The following CPQ variants were observed in gnomAD, a reference collection of about 807,000 sequenced individuals.
CPQ encodes carboxypeptidase Q, also known as Ser-Met dipeptidase.
A neutral mutation model predicts 45.7 loss-of-function variants in CPQ; 37 were observed. That is an observed-to-expected ratio of 0.81 (90% confidence interval 0.62 to 1.07). The LOEUF (loss-of-function observed/expected upper bound fraction) is 1.07. CPQ is among the 50% of genes least tolerant of loss of function. The pLI is 0.00. For missense variants in CPQ, 537 were observed against 572.9 expected, an observed-to-expected ratio of 0.94 and a Z score of 0.64; for synonymous variants, 186 against 205.8, an observed-to-expected ratio of 0.90 and a Z score of 0.82.
intron 1 of CPQ, among the ~76,000 whole-genome samples, chr8:96,780,353 G>A (rs537381602): frequency 2.0e-5 from 3 of 152,104 alleles, no homozygotes; most frequent in Non-Finnish European, 4.4e-5. Context: ...GGGAGGAGGT[G>A]AGGAGAAGGG....
chr8:96,947,160 G>C (rs1342415310), intron 4 of CPQ, among the ~76,000 whole-genome samples: 1 of 152,048 alleles, frequency 6.6e-6, no homozygotes, highest in African/African-American at 2.4e-5. Context: ...TCATTCAATG[G>C]GTTTCTCTAG....
At chr8:97,041,164 C>G (rs979408991) in intron 6 of CPQ, among the ~76,000 whole-genome samples, 11 of 152,132 alleles carry the variant, frequency 7.2e-5, no homozygotes, top group African/African-American at 2.2e-4. Flanking sequence ...TTTCATTGAG[C>G]AGGGGTTTGT....
At chr8:96,945,293 A>T (rs779237810) in intron 4 of CPQ, among the ~76,000 whole-genome samples, 1 of 152,162 alleles carries the variant, frequency 6.6e-6, no homozygotes. Context: ...AAGCAAATAT[A>T]AAACTGAGGG....
intron 1 of CPQ, among the ~76,000 whole-genome samples, chr8:96,712,475 G>A (rs1381550034): frequency 6.6e-6 from 1 of 152,176 alleles, no homozygotes; most frequent in Non-Finnish European, 1.5e-5. Flanking sequence ...ATATCCAGGT[G>A]TTTCCATACA....
At chr8:97,002,539 C>G (rs1809303498) in intron 5 of CPQ, among the ~76,000 whole-genome samples, 1 of 152,140 alleles carries the variant, frequency 6.6e-6, no homozygotes, top group South Asian at 2.1e-4. Flanking sequence ...CATTCAGGAG[C>G]AAGTTATTCA....
intron 1 of CPQ, among the ~76,000 whole-genome samples, chr8:96,665,367 G>T (rs1808906473): frequency 6.6e-6 from 1 of 152,146 alleles, no homozygotes; most frequent in Non-Finnish European, 1.5e-5. Flanking sequence ...ACAATGTGTT[G>T]GTAGGAACAG....
chr8:97,025,910 TA>T, intron 5 of CPQ, among the ~76,000 whole-genome samples: 1 of 152,350 alleles, frequency 6.6e-6, no homozygotes, highest in East Asian at 1.9e-4. Flanking sequence ...ATCCAAAAAC[TA>T]AACATTCTGA....
Position 97,101,951 on chromosome 8 carries a change from C to CCT in CPQ, c.1255+35767_1255+35768dup, listed in dbSNP as rs150834817. Among the ~76,000 whole-genome samples, 481 of 90,624 alleles carry CCT rather than the reference C, an allele frequency of 5.3e-3. 5 individuals are homozygous for CCT. The highest frequency in any genetic ancestry group is 0.018 in the African/African-American group (386 of 22,050). 59.5% of individuals were successfully genotyped at this position (90,624 alleles called of 152,430 possible). On this transcript the variant is annotated intron_variant, in intron 7 of 7. Transcript: ENST00000220763. Reference sequence around the variant, plus strand: ...CTCTCTCTCTCTCTCTCCCTCCCTCCCTCTCTCTCTCTCTCTCTCTCTCTC... The same window carrying CCT: ...CTCTCTCTCTCTCTCTCCCTCCCTCCCTCTCTCTCTCTCTCTCTCTCTCTCTC...
intron 7 of CPQ, among the ~76,000 whole-genome samples, chr8:97,134,527 T>C (rs2130626317): frequency 6.6e-6 from 1 of 152,340 alleles, no homozygotes; most frequent in Non-Finnish European, 1.5e-5. Context: ...TGTATGAATG[T>C]AATTCAAGTC....
At chr8:96,883,582 C>T (rs761022391) in intron 4 of CPQ, among the ~76,000 whole-genome samples, 33 of 152,086 alleles carry the variant, frequency 2.2e-4, no homozygotes, top group Admixed American at 3.9e-4. Context: ...TCTGTGGTTG[C>T]GTTTTGTGGA....
rs35247469 is a variant in CPQ at position 96,730,866 on chromosome 8, CATATATATATAT to C, written c.-34-53983_-34-53972del. Reference sequence around the variant, plus strand: ...GATCTAGATCAATTAACCATACATACATATATATATATATATATATATATATGCATTTTTTTT... The same window carrying C: ...GATCTAGATCAATTAACCATACATACATATATATATATATGCATTTTTTTT... On this transcript the variant is annotated intron_variant, in intron 1 of 7. Coordinates refer to ENST00000220763, the MANE Select transcript of CPQ (RefSeq NM_016134.4). 9.8e-4 allele frequency among the ~76,000 whole-genome samples: 67 copies of C among 68,696 alleles called. 2 individuals are homozygous for C. Among genetic ancestry groups the C allele is most frequent in the African/African-American group, 3.3e-3 (65 of 19,698 alleles). 45.1% of individuals were successfully genotyped at this position (68,696 alleles called of 152,430 possible). A position where few individuals can be genotyped will look rare whatever the true frequency, so the allele number is the denominator to read the frequency against.
intron 6 of CPQ, among the ~76,000 whole-genome samples, chr8:97,040,965 G>A (rs1227383890): frequency 1.3e-5 from 2 of 151,716 alleles, no homozygotes; most frequent in African/African-American, 2.4e-5. Context: ...TTGGTGATGC[G>A]GGCTCTTTTT....
At chr8:96,958,363 A>C (rs1338174383) in intron 4 of CPQ, among the ~76,000 whole-genome samples, 3 of 151,950 alleles carry the variant, frequency 2.0e-5, no homozygotes, top group Non-Finnish European at 2.9e-5. Flanking sequence ...CAGCTCTTCT[A>C]CTCTTCCTGT....
rs889934157 is a variant in CPQ at position 96,696,297 on chromosome 8, G to T, written c.-35+50895G>T. 8.6e-5 allele frequency among the ~76,000 whole-genome samples: 13 copies of T among 151,804 alleles called. No homozygotes were observed. In the South Asian group the frequency reaches 1.0e-3, roughly 12 times the overall value. ...CACACTCTGGGGACTGTTGTGGGGT[G>T]GGGGGAGTGGGGAGGGATAGCATTG... On this transcript the variant is annotated intron_variant, in intron 1 of 7. Coordinates refer to ENST00000220763, the MANE Select transcript of CPQ (RefSeq NM_016134.4).
At chr8:96,916,144 T>C (rs1010018190) in intron 4 of CPQ, among the ~76,000 whole-genome samples, 8 of 152,178 alleles carry the variant, frequency 5.3e-5, no homozygotes, top group African/African-American at 1.9e-4. Context: ...CTTTAGAGTA[T>C]GCGAGTTGAC....
At chr8:97,089,863 G>A (rs887059499) in intron 7 of CPQ, among the ~76,000 whole-genome samples, 14 of 152,098 alleles carry the variant, frequency 9.2e-5, no homozygotes, top group Non-Finnish European at 1.5e-5. Context: ...AAAGACTCCT[G>A]AGCCCAATAC....
intron 1 of CPQ, among the ~76,000 whole-genome samples, chr8:96,736,205 A>G (rs1234119947): frequency 6.6e-6 from 1 of 152,176 alleles, no homozygotes; most frequent in Non-Finnish European, 1.5e-5. Context: ...CATATGAATT[A>G]TTGCATTTGT....
chr8:96,873,178 G>A (rs1196985867), intron 3 of CPQ, among the ~76,000 whole-genome samples: 1 of 151,798 alleles, frequency 6.6e-6, no homozygotes. Flanking sequence ...TGTTCATGTG[G>A]AGTCTGTCAT....
chr8:97,001,861 A>G (rs1228277191), intron 5 of CPQ, among the ~76,000 whole-genome samples: 4 of 150,926 alleles, frequency 2.7e-5, no homozygotes, highest in Non-Finnish European at 5.9e-5. Context: ...CTCTTTGTAC[A>G]TCTGGTAGAA....
Sources: gnomAD v4.1 joint callset for allele counts (sites outside exome capture counted in the v4.1 genomes callset) on GRCh38, gnomAD v4.1.1 for gene constraint, MANE v1.5 for transcripts, NCBI Gene and HGNC (gene_info 2026-07-23, HGNC 2026-07-21) for gene names.